Variants in PCDH7 observed in about 807,000 individuals in gnomAD.
PCDH7 encodes the protein protocadherin 7, also known as protocadherin-7.
In PCDH7, 17 loss-of-function variants were observed where a neutral mutation model predicts 58.9. The observed-to-expected ratio is 0.29, with a 90% CI of 0.20 to 0.43. PCDH7 has a LOEUF of 0.43. Among genes scored for constraint, PCDH7 ranks in the 20% least tolerant of loss-of-function variants. The pLI, the probability that PCDH7 is intolerant of heterozygous loss-of-function variation, is 1.00. For missense variants in PCDH7, 1,274 were observed against 1,441.0 expected, an observed-to-expected ratio of 0.88 and a Z score of 1.88; for synonymous variants, 664 against 616.4, an observed-to-expected ratio of 1.08 and a Z score of -1.14.
intron 1 of PCDH7, among the ~76,000 whole-genome samples, chr4:30,755,151 C>T (rs934970638): frequency 2.0e-5 from 3 of 152,098 alleles, no homozygotes; most frequent in African/African-American, 7.2e-5. Context: ...CAGACCTCAC[C>T]GAGTATCTCA....
chr4:30,926,190 GT>G (rs10706040), intron 2 of PCDH7, among the ~76,000 whole-genome samples: 102,644 of 144,988 alleles, frequency 0.71, 35,885 homozygotes, highest in East Asian at 0.77. Flanking sequence ...ACTTTAGGTC[GT>G]TTTTTTTTTT....
chr4:30,947,342 C>T (rs1384019493), intron 2 of PCDH7, among the ~76,000 whole-genome samples: 1 of 152,118 alleles, frequency 6.6e-6, no homozygotes, highest in African/African-American at 2.4e-5. Context: ...ATAATAACCA[C>T]AAACTGTCTC....
chr4:31,035,003 A>G (rs1343959517), intron 3 of PCDH7, among the ~76,000 whole-genome samples: 1 of 152,150 alleles, frequency 6.6e-6, no homozygotes, highest in Non-Finnish European at 1.5e-5. Context: ...TGAGACAGGG[A>G]GATTAGGGAA....
chr4:30,947,174 C>T (rs911449779), intron 2 of PCDH7, among the ~76,000 whole-genome samples: 3 of 152,112 alleles, frequency 2.0e-5, no homozygotes, highest in Non-Finnish European at 4.4e-5. Flanking sequence ...CATGATCATA[C>T]ATTTTTCCAA....
At chr4:31,097,520 G>GA (rs140575023) in intron 3 of PCDH7, among the ~76,000 whole-genome samples, 2 of 123,686 alleles carry the variant, frequency 1.6e-5, no homozygotes, top group Non-Finnish European at 3.3e-5. Flanking sequence ...GAGAAAGAAA[G>GA]AAGAAAGAAA....
chr4:31,011,103 T>A (rs1753152384), intron 3 of PCDH7, among the ~76,000 whole-genome samples: 1 of 151,944 alleles, frequency 6.6e-6, no homozygotes, highest in Non-Finnish European at 1.5e-5. Flanking sequence ...TTAACCATTG[T>A]GATCAAAATA....
chr4:30,737,423 T>C (rs1249315500), downstream of PCDH7, among the ~76,000 whole-genome samples: 1 of 152,110 alleles, frequency 6.6e-6, no homozygotes, highest in Non-Finnish European at 1.5e-5. Context: ...GAGGCAAATG[T>C]GGGAGGATCG....
In PCDH7 at chr4:31,131,641, C is replaced by T. The variant is rs193091009; in HGVS notation, c.*8-10832C>T. ...AGAGGTTGAAATTTTGTCTTTCTCTCAAATCACAATCACTAATGAAATTCT... is the reference window on the plus strand; with the variant it reads ...AGAGGTTGAAATTTTGTCTTTCTCTTAAATCACAATCACTAATGAAATTCT... On this transcript the variant is annotated intron_variant, in intron 3 of 3. Coordinates refer to the PCDH7 transcript ENST00000509759. 3.9e-3 allele frequency among the ~76,000 whole-genome samples: 590 copies of T among 152,208 alleles called. 4 individuals are homozygous for T. The highest frequency in any genetic ancestry group is 7.6e-3 in the Non-Finnish European group (518 of 68,004).
chr4:30,990,775 A>G (rs1031537408), intron 3 of PCDH7, among the ~76,000 whole-genome samples: 4 of 152,164 alleles, frequency 2.6e-5, no homozygotes, highest in Non-Finnish European at 5.9e-5. Flanking sequence ...GCACAGCATT[A>G]TATGATCCCA....
chr4:30,878,054 A>G (rs1736509631), intron 1 of PCDH7, among the ~76,000 whole-genome samples: 1 of 152,134 alleles, frequency 6.6e-6, no homozygotes, highest in East Asian at 1.9e-4. Flanking sequence ...CTGGATTGAT[A>G]TGGTAATTAA....
intron 1 of PCDH7, among the ~76,000 whole-genome samples, chr4:30,745,963 C>T (rs991874627): frequency 6.6e-6 from 1 of 152,094 alleles, no homozygotes; most frequent in East Asian, 1.9e-4. Flanking sequence ...CCTCAGCCTC[C>T]CCAGTAGCTG....
chr4:30,947,122 C>T (rs1326287871), intron 2 of PCDH7, among the ~76,000 whole-genome samples: 1 of 152,056 alleles, frequency 6.6e-6, no homozygotes, highest in Non-Finnish European at 1.5e-5. Context: ...TACTAAGTCC[C>T]ACAGCCTTGT....
chr4:31,120,822 C>T (rs1247077791), intron 3 of PCDH7, among the ~76,000 whole-genome samples: 1 of 152,132 alleles, frequency 6.6e-6, no homozygotes. Context: ...TTGAACAAAT[C>T]ATTTGGTATC....
At chr4:30,924,336 C>G (rs1413512817) in intron 2 of PCDH7, among the ~76,000 whole-genome samples, 2 of 152,182 alleles carry the variant, frequency 1.3e-5, no homozygotes, top group Non-Finnish European at 2.9e-5. Flanking sequence ...GATAAATCAA[C>G]TCTGAAATCT....
rs576808797 is a variant in PCDH7 at position 30,914,618 on chromosome 4, C to T, written c.71-5535C>T. Among the ~76,000 whole-genome samples, 9 of 152,150 alleles carry T rather than the reference C, an allele frequency of 5.9e-5. No homozygotes were observed. In the South Asian group the frequency reaches 1.9e-3, roughly 32 times the overall value. On this transcript the variant is annotated intron_variant, in intron 1 of 3. Coordinates refer to the PCDH7 transcript ENST00000509759. ...GGATTTTAGAAATTCTATTTAGAAG[C>T]TTTACTTGGCCAGCTCTATATTTTC...
intron 3 of PCDH7, among the ~76,000 whole-genome samples, chr4:30,981,803 T>G (rs1750595896): frequency 6.6e-6 from 1 of 152,220 alleles, no homozygotes; most frequent in Non-Finnish European, 1.5e-5. Flanking sequence ...TTTTTTCTTT[T>G]TAAAAAAGTG....
At chr4:30,858,234 C>A (rs1560441421) in intron 1 of PCDH7, among the ~76,000 whole-genome samples, 1 of 152,054 alleles carries the variant, frequency 6.6e-6, no homozygotes, top group African/African-American at 2.4e-5. Flanking sequence ...TTGAAAAAGT[C>A]TCTTTTTTTT....
intron 3 of PCDH7, among the ~76,000 whole-genome samples, chr4:31,043,248 C>T (rs7696255): frequency 0.02 from 3,024 of 152,058 alleles, 83 homozygotes; most frequent in African/African-American, 0.064. Flanking sequence ...TGAACATATG[C>T]GTGCATGTAT....
chr4:30,972,742 G>A (rs1470286111), intron 3 of PCDH7, among the ~76,000 whole-genome samples: 1 of 152,048 alleles, frequency 6.6e-6, no homozygotes, highest in Non-Finnish European at 1.5e-5. Context: ...CATCTAACAT[G>A]ACATATAAAA....
Sources: allele counts gnomAD v4.1 joint callset (sites outside exome capture counted in the v4.1 genomes callset), GRCh38; gene constraint gnomAD v4.1.1; transcripts MANE v1.5; gene names NCBI Gene and HGNC (gene_info 2026-07-23, HGNC 2026-07-21).